MAD1L1: variants seen among roughly 807,000 people sequenced by gnomAD.
MAD1L1 encodes the protein mitotic arrest deficient 1 like 1, also known as mitotic spindle assembly checkpoint protein MAD1.
In MAD1L1, 95 loss-of-function variants were observed where a neutral mutation model predicts 96.9. That is an observed-to-expected ratio of 0.98 (90% CI 0.83 to 1.16). The LOEUF (loss-of-function observed/expected upper bound fraction) is 1.16, where lower values mean the gene tolerates loss of function less well. MAD1L1 is among the 50% of genes most tolerant of loss of function. The probability of loss-of-function intolerance (pLI) is 0.00; values close to 1 mark genes in which losing one functional copy is unlikely to be tolerated. For missense variants in MAD1L1, 1,007 were observed against 954.4 expected (o/e 1.06, Z -0.73); for synonymous variants, 473 against 396.6 (o/e 1.19, Z -2.29).
At chr7:2,027,312 C>T (rs1783035283) in intron 12 of MAD1L1, among the ~76,000 whole-genome samples, 2 of 152,134 alleles carry the variant, frequency 1.3e-5, no homozygotes, top group African/African-American at 2.4e-5. Flanking sequence ...CCTTATAAAA[C>T]GATTACAGAA....
At chr7:2,041,047 C>G (rs192964407) in intron 12 of MAD1L1, among the ~76,000 whole-genome samples, 2 of 152,300 alleles carry the variant, frequency 1.3e-5, no homozygotes, top group Admixed American at 6.5e-5. Context: ...CATCCTACCC[C>G]CTGCACTGAG....
chr7:2,132,898 G>A (rs1788586018), intron 11 of MAD1L1, among the ~76,000 whole-genome samples: 1 of 152,212 alleles, frequency 6.6e-6, no homozygotes, highest in African/African-American at 2.4e-5. Context: ...GGGCCATGGG[G>A]GTGGGTCCCT....
intron 18 of MAD1L1, among the ~76,000 whole-genome samples, chr7:1,840,055 G>A (rs1010204017): frequency 3.9e-5 from 6 of 152,196 alleles, no homozygotes; most frequent in Non-Finnish European, 8.8e-5. Context: ...CATGGGCGAG[G>A]GCCAGACGAG....
chr7:2,046,095 T>C (rs1168403018), intron 12 of MAD1L1, among the ~76,000 whole-genome samples: 7 of 152,206 alleles, frequency 4.6e-5, no homozygotes, highest in Non-Finnish European at 1.0e-4. Flanking sequence ...GAGGGTCCCA[T>C]GTAAGCCCCA....
At chr7:2,031,993 A>G (rs988836508) in intron 12 of MAD1L1, among the ~76,000 whole-genome samples, 1 of 152,224 alleles carries the variant, frequency 6.6e-6, no homozygotes, top group South Asian at 2.1e-4. Context: ...GGTCTTCTAC[A>G]GTTCAAAAAT....
chr7:2,003,945 G>A (rs1034306920), intron 13 of MAD1L1, among the ~76,000 whole-genome samples: 1 of 152,222 alleles, frequency 6.6e-6, no homozygotes, highest in African/African-American at 2.4e-5. Flanking sequence ...GGGAACGGCA[G>A]ATGGAAGAGG....
chr7:2,008,316 G>T (rs990347118), intron 13 of MAD1L1, among the ~76,000 whole-genome samples: 4 of 152,228 alleles, frequency 2.6e-5, no homozygotes, highest in Non-Finnish European at 4.4e-5. Flanking sequence ...GATGGAGGCA[G>T]TGGGTGGGCG....
chr7:1,980,150 T>G (rs1456068514), intron 15 of MAD1L1, among the ~76,000 whole-genome samples: 1 of 151,868 alleles, frequency 6.6e-6, no homozygotes, highest in African/African-American at 2.4e-5. Flanking sequence ...TCTCCCGCAC[T>G]CCCCTCCTCT....
chr7:2,042,039 G>A (rs532033315), intron 12 of MAD1L1, among the ~76,000 whole-genome samples: 139 of 151,710 alleles, frequency 9.2e-4, no homozygotes, highest in Admixed American at 1.6e-3. Flanking sequence ...ACACGCACAC[G>A]GACATGCACA....
At chr7:2,223,992 G>T (rs1470544953) in intron 4 of MAD1L1, among the ~76,000 whole-genome samples, 1 of 152,174 alleles carries the variant, frequency 6.6e-6, no homozygotes, top group Non-Finnish European at 1.5e-5. Flanking sequence ...GGGAGCCCCA[G>T]GTGTAAGCCC....
chr7:2,034,091 G>A (rs1783355266), intron 12 of MAD1L1, among the ~76,000 whole-genome samples: 1 of 152,190 alleles, frequency 6.6e-6, no homozygotes, highest in Non-Finnish European at 1.5e-5. Flanking sequence ...GCAAGACCCT[G>A]TGTCTAAACA....
rs565238391 is a variant in MAD1L1 at position 2,114,327 on chromosome 7, G to A, written c.1073+34825C>T. ...AGAGCCCTGAGCCAGCCCACGGTCT[G>A]AGCAGGGAACCAGGGGGCCTTCCCT... On this transcript the variant is annotated intron_variant, in intron 11 of 18. Coordinates refer to ENST00000265854, the MANE Select transcript of MAD1L1 (RefSeq NM_001013836.2). This position sits in a 1 kb window ranked among gnomAD's most constrained non-coding sequence, Gnocchi z 4.2. Among the ~76,000 whole-genome samples the A allele has an allele frequency of 8.5e-4, 129 of 152,270 alleles. 1 individual carries two copies. The highest frequency in any genetic ancestry group is 2.9e-3 in the African/African-American group (120 of 41,540).
chr7:2,173,214 T>C (rs1282635917), intron 10 of MAD1L1, among the ~76,000 whole-genome samples: 2 of 152,202 alleles, frequency 1.3e-5, no homozygotes, highest in Non-Finnish European at 2.9e-5. Flanking sequence ...TAGGCTTTCA[T>C]TGCCACTTTC....
intron 17 of MAD1L1, among the ~76,000 whole-genome samples, chr7:1,917,524 GTCA>G (rs1788487050): frequency 6.6e-6 from 1 of 152,256 alleles, no homozygotes; most frequent in Non-Finnish European, 1.5e-5. Flanking sequence ...TGTTGGATGT[GTCA>G]GGCACTGAAG....
At chr7:2,222,261 G>A (rs1226286394) in intron 5 of MAD1L1, among the ~76,000 whole-genome samples, 1 of 152,002 alleles carries the variant, frequency 6.6e-6, no homozygotes, top group Non-Finnish European at 1.5e-5. Context: ...TGTATTTTTA[G>A]TAGAGATGGG....
chr7:2,185,505 CA>C (rs973297263), intron 10 of MAD1L1, among the ~76,000 whole-genome samples: 4 of 151,922 alleles, frequency 2.6e-5, no homozygotes, highest in East Asian at 3.8e-4. Context: ...ATTATTATCT[CA>C]AAAAAATGTT....
rs1794287457 is a variant in MAD1L1, at chr7:2,232,869, T to A, written c.-190+3A>T. On this transcript the variant is annotated splice_donor_region_variant and intron_variant, in intron 1 of 18. Transcript: ENST00000265854. ...CGCCGCCCGCGCGAGCCGGGCCGCT[T>A]ACCTCAGCCGCTCGCAGCCAGCTTG... 1 of 152,214 alleles carries A rather than the reference T, an allele frequency of 6.6e-6. No individual in the cohort carries two copies. The allele number at this position is 152,214 out of a possible 1,614,324, so 9.4% of individuals were successfully genotyped here.
intron 10 of MAD1L1, among the ~76,000 whole-genome samples, chr7:2,205,647 C>T (rs1431877963): frequency 6.6e-6 from 1 of 152,186 alleles, no homozygotes; most frequent in Admixed American, 6.5e-5. Context: ...CCACCTCCCT[C>T]GGCTGGCTCT....
chr7:1,844,005 C>T (rs1783436216), intron 18 of MAD1L1, among the ~76,000 whole-genome samples: 1 of 150,722 alleles, frequency 6.6e-6, no homozygotes, highest in African/African-American at 2.5e-5. Flanking sequence ...GTGAGTGGGG[C>T]CGGGAAGGGC....
Sources: gnomAD v4.1 joint callset for allele counts (sites outside exome capture counted in the v4.1 genomes callset) on GRCh38, gnomAD v4.1.1 for gene constraint, Gnocchi (gnomAD v3.1) non-coding constraint, MANE v1.5 for transcripts, NCBI Gene and HGNC (gene_info 2026-07-23, HGNC 2026-07-21) for gene names.